The following ABCC12 variants were observed in gnomAD, a reference collection of about 807,000 sequenced individuals.
ABCC12 encodes the protein ATP binding cassette subfamily C member 12, also known as ATP-binding cassette sub-family C member 12.
A neutral mutation model predicts 151.1 loss-of-function variants in ABCC12; 142 were observed. The ratio of observed to expected loss-of-function variants is 0.94; its 90% confidence interval spans 0.82 to 1.08. ABCC12 has a LOEUF of 1.08. Among genes scored for constraint, ABCC12 ranks in the 50% least tolerant of loss-of-function variants. ABCC12 has a pLI of 0.00. For missense variants in ABCC12, 1,638 were observed against 1,691.1 expected (o/e 0.97, Z 0.55); for synonymous variants, 645 against 646.4 (o/e 1.00, Z 0.03).
chr16:48,153,153 A>G (rs1035177564), intron 2 of ABCC12, among the ~76,000 whole-genome samples: 1 of 152,252 alleles, frequency 6.6e-6, no homozygotes, highest in African/African-American at 2.4e-5. Context: ...GTATTGGAAC[A>G]TTGGAGAAAT....
At chr16:48,086,635 C>T (rs1321087635) in intron 28 of ABCC12, 106 bp downstream of exon 28, 2 of 946,120 alleles carry the variant, frequency 2.1e-6, no homozygotes, top group Non-Finnish European at 1.7e-6. Context: ...ACAAATAAAC[C>T]TGGCTAAGTG....
Position 48,082,620 on chromosome 16 carries a change from T to G in ABCC12, c.*1095A>C, listed in dbSNP as rs978781624. Among the ~76,000 whole-genome samples, 1 of 151,942 alleles carries G rather than the reference T, an allele frequency of 6.6e-6. No individual in the cohort carries two copies. Among genetic ancestry groups the G allele is most frequent in the African/African-American group, 2.4e-5 (1 of 41,362 alleles). ...ACGTGACCAACACTTACAAGGGAAGTGGGGTGGGGGGTTGTGGTCTGGAAG... is the reference window on the plus strand; with the variant it reads ...ACGTGACCAACACTTACAAGGGAAGGGGGGTGGGGGGTTGTGGTCTGGAAG... On this transcript the variant is annotated 3_prime_UTR_variant, in exon 31 of 31. Transcript: ENST00000311303.
intron 24 of ABCC12, among the ~76,000 whole-genome samples, chr16:48,095,400 G>GT (rs1241700504): frequency 6.6e-6 from 1 of 152,104 alleles, no homozygotes; most frequent in Non-Finnish European, 1.5e-5. Context: ...CCAGTCTCAG[G>GT]TATGTCTTTA....
At chr16:48,113,250 T>C (rs1349656007) in intron 15 of ABCC12, among the ~76,000 whole-genome samples, 1 of 152,212 alleles carries the variant, frequency 6.6e-6, no homozygotes, top group Non-Finnish European at 1.5e-5. Flanking sequence ...TTCTAACAGC[T>C]TGGACAGCTC....
intron 22 of ABCC12, among the ~76,000 whole-genome samples, chr16:48,102,215 A>G (rs1963332794): frequency 6.6e-6 from 1 of 152,210 alleles, no homozygotes; most frequent in Non-Finnish European, 1.5e-5. Flanking sequence ...GTATAGGAGT[A>G]ACTGTAACTT....
rs531385304 is a variant in ABCC12 at position 48,097,687 on chromosome 16, G to T, written c.3039-785C>A. ...AGTTCCTAGGGCTGAGATAGCAGAA[G>T]GAAGATGACCTTGGAGGCTGCAGTC... On this transcript the variant is annotated intron_variant, in intron 23 of 30. Transcript: ENST00000311303. 3.7e-4 allele frequency among the ~76,000 whole-genome samples: 56 copies of T among 152,300 alleles called. 1 individual carries two copies. The highest frequency in any genetic ancestry group is 1.2e-3 in the Admixed American group (18 of 15,304).
intron 8 of ABCC12, among the ~76,000 whole-genome samples, chr16:48,136,075 G>C (rs568991639): frequency 2.0e-5 from 3 of 152,266 alleles, no homozygotes; most frequent in South Asian, 4.1e-4. Context: ...TTTGACAGGA[G>C]AGCAAACTGT....
rs755022479 is a variant in ABCC12 at position 48,083,889 on chromosome 16, G to A, written c.3993+20C>T. 10 of 1,612,328 alleles carry A rather than the reference G, an allele frequency of 6.2e-6. No individual in the cohort carries two copies. The African/African-American group carries it at 8.0e-5, about 13-fold the overall frequency. On this transcript the variant is annotated intron_variant, in intron 30 of 30. Coordinates refer to ENST00000311303, the MANE Select transcript of ABCC12 (RefSeq NM_001393797.1). Reference sequence around the variant, plus strand: ...CCACTGGACTTTCTGGGGAGGTGAAGCCAAAAGAGCTTCCTATACCTTCCC... The same window carrying A: ...CCACTGGACTTTCTGGGGAGGTGAAACCAAAAGAGCTTCCTATACCTTCCC...
intron 18 of ABCC12, among the ~76,000 whole-genome samples, chr16:48,110,555 G>A (rs1963649585): frequency 6.6e-6 from 1 of 152,072 alleles, no homozygotes; most frequent in East Asian, 1.9e-4. Context: ...ATGAAGGCAG[G>A]GTGTCTATGG....
intron 13 of ABCC12, 93 bp downstream of exon 13, chr16:48,121,623 A>T (rs1325902559): frequency 6.1e-6 from 9 of 1,484,572 alleles, no homozygotes; most frequent in Non-Finnish European, 8.3e-6. Context: ...TAAACTCAGA[A>T]CCCACTTAGC....
chr16:48,111,977 C>T, intron 15 of ABCC12, 67 bp from the exon 16 acceptor site: 2 of 1,562,224 alleles, frequency 1.3e-6, no homozygotes, highest in South Asian at 2.4e-5. Flanking sequence ...AACTCCTCTC[C>T]AACCTTAGTT....
At position 48,105,216 on chromosome 16, in the gene ABCC12, CA is replaced by C; in HGVS notation, c.2595del (p.Phe865LeufsTer14). The C allele has an allele frequency of 6.8e-6, 11 of 1,614,186 alleles. No homozygotes were observed. The highest frequency in any genetic ancestry group is 9.3e-6 in the Non-Finnish European group (11 of 1,180,040). On this transcript the variant is annotated frameshift_variant, in exon 21 of 31. Transcript: ENST00000311303. LOFTEE classifies it high-confidence loss of function. Reference sequence around the variant, plus strand: ...GTGAAGACGAAGCCTTTGGTGACGCCAAACACCAGCATGAACACCATGCTTG... The same window carrying C: ...GTGAAGACGAAGCCTTTGGTGACGCCAACACCAGCATGAACACCATGCTTG... ...YTASMVFMLVFGVTKGFVFTK... is the reference protein window; with the variant it reads ...YTASMVFMLVXGVTKGFVFTK...
chr16:48,097,540 G>A (rs946177042), intron 23 of ABCC12, among the ~76,000 whole-genome samples: 2 of 152,134 alleles, frequency 1.3e-5, no homozygotes, highest in Non-Finnish European at 2.9e-5. Context: ...GGCTTGGAGA[G>A]GGGGGAAGAA....
chr16:48,144,501 G>C (rs1964933784), intron 3 of ABCC12, among the ~76,000 whole-genome samples: 1 of 151,012 alleles, frequency 6.6e-6, no homozygotes, highest in Non-Finnish European at 1.5e-5. Flanking sequence ...AGAATTGCAG[G>C]GCATTAATAC....
chr16:48,149,921 A>T (rs1965094784), intron 2 of ABCC12, among the ~76,000 whole-genome samples: 1 of 152,242 alleles, frequency 6.6e-6, no homozygotes, highest in African/African-American at 2.4e-5. Flanking sequence ...ATTATTTAAA[A>T]GTCTAAAAAT....
At chr16:48,094,096 A>T (rs1434283418) in intron 24 of ABCC12, among the ~76,000 whole-genome samples, 1 of 152,246 alleles carries the variant, frequency 6.6e-6, no homozygotes, top group Non-Finnish European at 1.5e-5. Flanking sequence ...ATATCGCCCA[A>T]AAGCATGACC....
intron 13 of ABCC12, among the ~76,000 whole-genome samples, chr16:48,120,443 T>C (rs1283831034): frequency 2.0e-5 from 3 of 152,128 alleles, no homozygotes; most frequent in Non-Finnish European, 4.4e-5. Context: ...GTAACAAAAC[T>C]GTACCCCCTG....
chr16:48,088,434 C>T, intron 26 of ABCC12, 111 bp downstream of exon 26: 2 of 1,260,166 alleles, frequency 1.6e-6, no homozygotes, highest in African/African-American at 3.0e-5. Flanking sequence ...AGGGAAATAA[C>T]AGCCAATCTG....
chr16:48,108,326 C>T, intron 19 of ABCC12, 114 bp downstream of exon 19: 1 of 917,814 alleles, frequency 1.1e-6, no homozygotes, highest in Admixed American at 2.7e-5. Context: ...TGATAAATGG[C>T]CCTAGCATAA....
Sources: allele counts gnomAD v4.1 joint callset (sites outside exome capture counted in the v4.1 genomes callset), GRCh38; gene constraint gnomAD v4.1.1; transcripts MANE v1.5; gene names NCBI Gene and HGNC (gene_info 2026-07-23, HGNC 2026-07-21).